ADAM32: variants seen among roughly 807,000 people sequenced by gnomAD.
ADAM32 encodes disintegrin and metalloproteinase domain-containing protein 32.
A neutral mutation model predicts 114.9 loss-of-function variants in ADAM32; 89 were observed. The ratio of observed to expected loss-of-function variants is 0.77; its 90% CI spans 0.65 to 0.92. ADAM32 has a LOEUF of 0.92. Ranked by LOEUF, ADAM32 falls within the 40% of genes least tolerant of loss-of-function variation. The pLI is 0.00. For missense variants in ADAM32, 870 were observed against 932.8 expected (o/e 0.93, Z 0.88); for synonymous variants, 285 against 307.5 (o/e 0.93, Z 0.77).
intron 20 of ADAM32, among the ~76,000 whole-genome samples, chr8:39,273,559 G>C (rs1290225841): frequency 6.7e-6 from 1 of 148,816 alleles, no homozygotes; most frequent in Non-Finnish European, 1.5e-5. Flanking sequence ...CAAAAGGATA[G>C]GATAGTAAAC....
chr8:39,179,087 G>A (rs772235316), intron 10 of ADAM32, among the ~76,000 whole-genome samples: 13 of 151,974 alleles, frequency 8.6e-5, no homozygotes, highest in African/African-American at 2.2e-4. Flanking sequence ...CCTCCTCATC[G>A]AGACCACCCA....
intron 11 of ADAM32, among the ~76,000 whole-genome samples, chr8:39,206,359 C>T (rs978519131): frequency 3.3e-5 from 5 of 152,156 alleles, no homozygotes; most frequent in African/African-American, 1.2e-4. Context: ...TTCTGGCATC[C>T]AAGTGACATG....
rs1585426806 is a variant in ADAM32 at position 39,160,952 on chromosome 8, T to C, written c.581T>C (p.Val194Ala). The C allele has an allele frequency of 6.3e-7, 1 of 1,594,172 alleles. No homozygotes were observed. The highest frequency in any genetic ancestry group is 8.5e-7 in the Non-Finnish European group (1 of 1,170,846). Reference protein sequence around the residue: ...FPLYLEMHIVVDKTLYDYWGS... With the variant: ...FPLYLEMHIVADKTLYDYWGS... Reference sequence around the variant, plus strand: ...CTTTATCTAGAAATGCATATTGTGGTGGACAAAACTTTGGTATGTGTTTTG... The same window carrying C: ...CTTTATCTAGAAATGCATATTGTGGCGGACAAAACTTTGGTATGTGTTTTG... Residue 194 changes from valine (V) to alanine (A), a missense_variant, in exon 7 of 25, where the codon GTG (valine) becomes GCG (alanine). By Grantham distance (64) the Val-to-Ala change is moderately conservative (BLOSUM62 0). Coordinates refer to ENST00000379907, the MANE Select transcript of ADAM32 (RefSeq NM_145004.7).
Position 39,281,144 on chromosome 8 carries a change from C to A in ADAM32, c.2288C>A (p.Ser763Ter). 1 of 1,341,978 alleles carries A rather than the reference C, an allele frequency of 7.5e-7. No individual in the cohort carries two copies. The highest frequency in any genetic ancestry group is 9.8e-7 in the Non-Finnish European group (1 of 1,024,238). 83.1% of individuals were successfully genotyped at this position (1,341,978 alleles called of 1,614,324 possible). Residue 763 changes from serine (S) to a stop codon, truncating the protein, a stop_gained, in exon 23 of 25, where the codon TCA becomes TAA. Transcript: ENST00000379907. LOFTEE classifies it high-confidence loss of function. ...TTTTAATTTATTTTTAGATCCAAAT[C>A]AGAAGATAGTGCTGAAGCATATACT... ...SSQADTSKSK[S>*]EDSAEAYTSR...
chr8:39,280,308 C>A (rs1009510818), intron 22 of ADAM32, among the ~76,000 whole-genome samples: 2 of 151,980 alleles, frequency 1.3e-5, no homozygotes, highest in African/African-American at 4.8e-5. Flanking sequence ...AAGGAAAACC[C>A]TTTGTGACTG....
chr8:39,210,095 G>T (rs1808109415), intron 11 of ADAM32, among the ~76,000 whole-genome samples: 1 of 152,192 alleles, frequency 6.6e-6, no homozygotes, highest in African/African-American at 2.4e-5. Flanking sequence ...TCCTGCTGGG[G>T]TGATGAATTT....
chr8:39,151,664 G>T, intron 6 of ADAM32, 116 bp downstream of exon 6: 31 of 666,604 alleles, frequency 4.7e-5, no homozygotes, highest in South Asian at 7.0e-5. Context: ...CTTTCCTTGT[G>T]AACATCTTAT....
At chr8:39,107,550 G>A (rs80231077), upstream of ADAM32, 1 of 1,297,756 alleles carries the variant, frequency 7.7e-7, no homozygotes, top group Non-Finnish European at 1.0e-6. Context: ...CAACCACGCG[G>A]CTGGGGTGCG....
chr8:39,275,668 C>T (rs1347298313), intron 21 of ADAM32, among the ~76,000 whole-genome samples, 160 bp from the exon 22 acceptor site: 1 of 152,190 alleles, frequency 6.6e-6, no homozygotes, highest in Non-Finnish European at 1.5e-5. Flanking sequence ...AACTTGTTTG[C>T]ATATGCTAAT....
At chr8:39,249,654 T>C (rs1331880848) in intron 17 of ADAM32, among the ~76,000 whole-genome samples, 2 of 152,182 alleles carry the variant, frequency 1.3e-5, no homozygotes, top group Non-Finnish European at 2.9e-5. Context: ...GTAACATCAA[T>C]TAAGAATAAG....
At chr8:39,252,901 A>T (rs1811395326) in intron 17 of ADAM32, among the ~76,000 whole-genome samples, 1 of 151,696 alleles carries the variant, frequency 6.6e-6, no homozygotes, top group Non-Finnish European at 1.5e-5. Flanking sequence ...AAATAAAGAG[A>T]TTAAATCAGT....
chr8:39,133,888 A>G (rs540412285), intron 2 of ADAM32, among the ~76,000 whole-genome samples: 3 of 152,168 alleles, frequency 2.0e-5, no homozygotes, highest in African/African-American at 2.4e-5. Context: ...AGGCCCATGC[A>G]ACTGTGCTGT....
chr8:39,217,431 A>G (rs1432170516), intron 12 of ADAM32, among the ~76,000 whole-genome samples: 1 of 152,050 alleles, frequency 6.6e-6, no homozygotes, highest in African/African-American at 2.4e-5. Flanking sequence ...ATGTTATTAT[A>G]TTTTTGAAAA....
At chr8:39,220,919 T>A (rs2129448773) in intron 12 of ADAM32, 1 of 152,108 alleles carries the variant, frequency 6.6e-6, no homozygotes, top group African/African-American at 2.4e-5. Flanking sequence ...GTTAGGTCCA[T>A]TTGGTCTAGA....
chr8:39,217,140 C>G (rs1403472240), intron 12 of ADAM32, among the ~76,000 whole-genome samples: 1 of 151,282 alleles, frequency 6.6e-6, no homozygotes, highest in African/African-American at 2.4e-5. Context: ...ATATGCTATC[C>G]TAAGGCAAAA....
At chr8:39,234,618 GT>G (rs1200934574) in intron 16 of ADAM32, among the ~76,000 whole-genome samples, 1 of 152,200 alleles carries the variant, frequency 6.6e-6, no homozygotes, top group Admixed American at 6.5e-5. Context: ...AATATTATAA[GT>G]GCTTAGCACA....
intron 11 of ADAM32, among the ~76,000 whole-genome samples, chr8:39,195,494 A>G (rs547209177): frequency 8.5e-4 from 129 of 152,294 alleles, no homozygotes; most frequent in East Asian, 7.7e-4. Context: ...AGTCTTAGCC[A>G]TAAAATCTGC....
intron 11 of ADAM32, among the ~76,000 whole-genome samples, chr8:39,193,592 C>T (rs912585034): frequency 1.3e-5 from 2 of 152,114 alleles, no homozygotes; most frequent in African/African-American, 2.4e-5. Flanking sequence ...TTGAGTTGTC[C>T]GAGTTCTTCC....
intron 11 of ADAM32, among the ~76,000 whole-genome samples, chr8:39,191,798 T>C (rs1254653055): frequency 2.0e-5 from 3 of 152,200 alleles, no homozygotes; most frequent in African/African-American, 7.2e-5. Context: ...TAATTGCTTT[T>C]GGAGTCTTCA....
Sources: gnomAD v4.1 joint callset for allele counts (sites outside exome capture counted in the v4.1 genomes callset) on GRCh38, gnomAD v4.1.1 for gene constraint, MANE v1.5 for transcripts, NCBI Gene and HGNC (gene_info 2026-07-23, HGNC 2026-07-21) for gene names.